PCDH15: variants seen among roughly 807,000 people sequenced by gnomAD.
The protein encoded by PCDH15 is protocadherin-15.
A neutral mutation model predicts 178.5 loss-of-function variants in PCDH15; 129 were observed. The ratio of observed to expected loss-of-function variants is 0.72; its 90% confidence interval spans 0.63 to 0.84. The LOEUF (loss-of-function observed/expected upper bound fraction) is 0.84. PCDH15 is among the 40% of genes least tolerant of loss of function. The probability of loss-of-function intolerance (pLI) is 0.00; values close to 1 mark genes in which losing one functional copy is unlikely to be tolerated. For missense variants in PCDH15, 2,230 were observed against 2,099.9 expected (o/e 1.06, Z -1.21); for synonymous variants, 800 against 732.0 (o/e 1.09, Z -1.50).
At chr10:55,148,583 T>A (rs1185995983) in intron 2 of PCDH15, among the ~76,000 whole-genome samples, 1 of 151,782 alleles carries the variant, frequency 6.6e-6, no homozygotes. Flanking sequence ...AAGATTAGTA[T>A]TAAAATTTAA....
In PCDH15 at chr10:54,596,803, A is replaced by G. The variant is rs1394795165; in HGVS notation, c.91+67369T>C. Reference sequence around the variant, plus strand: ...AAAAAAAGCAATTATTGCAATCCTAATTTCAGACAAAAAAGATTTTAAACC... The same window carrying G: ...AAAAAAAGCAATTATTGCAATCCTAGTTTCAGACAAAAAAGATTTTAAACC... On this transcript the variant is annotated intron_variant, in intron 2 of 37. Coordinates refer to ENST00000644397, the MANE Select transcript of PCDH15 (RefSeq NM_001384140.1). Among the ~76,000 whole-genome samples, 6 of 152,138 alleles carry G rather than the reference A, an allele frequency of 3.9e-5. No homozygotes were observed. The East Asian group carries it at 5.8e-4, about 15-fold the overall frequency.
intron 2 of PCDH15, among the ~76,000 whole-genome samples, chr10:55,071,653 C>G (rs1481523317): frequency 6.6e-6 from 1 of 152,058 alleles, no homozygotes; most frequent in Non-Finnish European, 1.5e-5. Context: ...TAATGGGAGA[C>G]TTTAACACCC....
At chr10:55,026,424 A>C (rs1388824845) in intron 2 of PCDH15, among the ~76,000 whole-genome samples, 1 of 152,110 alleles carries the variant, frequency 6.6e-6, no homozygotes, top group Admixed American at 6.6e-5. Context: ...ACTAAAATTC[A>C]CTAAGAATTA....
At chr10:54,366,977 T>C (rs758703070) in intron 5 of PCDH15, among the ~76,000 whole-genome samples, 1 of 152,150 alleles carries the variant, frequency 6.6e-6, no homozygotes, top group Non-Finnish European at 1.5e-5. Context: ...CTATAAATTT[T>C]ATCACTCTGA....
chr10:54,873,532 A>G (rs2131797522), intron 3 of PCDH15, among the ~76,000 whole-genome samples: 1 of 137,408 alleles, frequency 7.3e-6, no homozygotes, highest in East Asian at 2.1e-4. Flanking sequence ...ACGTGTATGT[A>G]TAGATATATG....
chr10:55,225,650 TGAGAGAGA>T (rs56234985), intron 1 of PCDH15, among the ~76,000 whole-genome samples: 1 of 148,030 alleles, frequency 6.8e-6, no homozygotes, highest in Non-Finnish European at 1.5e-5. Context: ...TGTGTGTGTG[TGAGAGAGA>T]GAGAGAGAGA....
At chr10:54,274,027 C>T (rs769507263) in intron 8 of PCDH15, among the ~76,000 whole-genome samples, 1 of 151,904 alleles carries the variant, frequency 6.6e-6, no homozygotes, top group African/African-American at 2.4e-5. Flanking sequence ...TAGCAAACTA[C>T]CACAGGAAAA....
chr10:54,729,561 A>G (rs111409817), intron 1 of PCDH15, among the ~76,000 whole-genome samples: 3,899 of 151,810 alleles, frequency 0.026, 110 homozygotes, highest in African/African-American at 0.068. Context: ...GTGGGACCTA[A>G]TTATACCAAA....
At chr10:54,795,289 A>T (rs949518863) in intron 1 of PCDH15, among the ~76,000 whole-genome samples, 5 of 151,976 alleles carry the variant, frequency 3.3e-5, no homozygotes. Context: ...ACCAGTCCTT[A>T]TATTAAGTAA....
At chr10:54,251,160 C>T (rs974020197) in intron 8 of PCDH15, among the ~76,000 whole-genome samples, 2 of 152,250 alleles carry the variant, frequency 1.3e-5, no homozygotes, top group African/African-American at 4.8e-5. Flanking sequence ...TCTTTCAATG[C>T]ACTGCAAGTT....
At chr10:54,918,269 G>A (rs1012051998) in intron 2 of PCDH15, among the ~76,000 whole-genome samples, 4 of 151,954 alleles carry the variant, frequency 2.6e-5, no homozygotes, top group African/African-American at 9.7e-5. Flanking sequence ...AGAAAAATCA[G>A]ATATGACAAG....
At chr10:54,527,694 A>C in intron 3 of PCDH15, 118 bp downstream of exon 3, 2 of 641,556 alleles carry the variant, frequency 3.1e-6, no homozygotes, top group Non-Finnish European at 5.1e-6. Flanking sequence ...GAGGGGAATT[A>C]TCCATGGATT....
intron 3 of PCDH15, among the ~76,000 whole-genome samples, chr10:54,870,549 G>C (rs1210477358): frequency 6.6e-6 from 1 of 152,118 alleles, no homozygotes; most frequent in African/African-American, 2.4e-5. Context: ...ACTTCAGGAG[G>C]CCGAGGTGGG....
rs1299190697 is a variant in PCDH15 at position 53,995,632 on chromosome 10, C to G, written c.2868+17G>C. ...TCTCAGTACAGTTCAGAATATTAAT[C>G]AATGCCTTCTACTTACAGGAGGGTC... On this transcript the variant is annotated intron_variant, in intron 21 of 37. Transcript: ENST00000644397. 6.2e-7 allele frequency: 1 copy of G among 1,613,630 alleles called. No individual in the cohort carries two copies. Among genetic ancestry groups the G allele is most frequent in the East Asian group, 2.2e-5 (1 of 44,876 alleles).
chr10:54,825,700 C>T (rs372521099), intron 3 of PCDH15, among the ~76,000 whole-genome samples: 9 of 151,926 alleles, frequency 5.9e-5, no homozygotes, highest in East Asian at 1.9e-4. Flanking sequence ...TCATGTCCTT[C>T]GCCCATTTTT....
At chr10:55,306,272 AG>A (rs1843422345) in intron 1 of PCDH15, among the ~76,000 whole-genome samples, 2 of 152,248 alleles carry the variant, frequency 1.3e-5, no homozygotes, top group Admixed American at 1.3e-4. Context: ...TAACTCAGCA[AG>A]ATTTTAATTC....
chr10:53,895,929 G>C (rs1446248437), intron 26 of PCDH15, among the ~76,000 whole-genome samples: 2 of 152,122 alleles, frequency 1.3e-5, no homozygotes, highest in Non-Finnish European at 2.9e-5. Context: ...AAAAGTTCTT[G>C]AACTGAGGTA....
intron 2 of PCDH15, among the ~76,000 whole-genome samples, chr10:55,483,815 CAAAAAA>C (rs71014494): frequency 9.0e-6 from 1 of 111,230 alleles, no homozygotes. Flanking sequence ...GACTCCATCT[CAAAAAA>C]AAAAAAAAAA....
chr10:54,586,300 T>G (rs1404567708), intron 2 of PCDH15, among the ~76,000 whole-genome samples: 1 of 152,150 alleles, frequency 6.6e-6, no homozygotes, highest in East Asian at 1.9e-4. Flanking sequence ...TTAAAATAGA[T>G]TCATTGAGTA....
Sources: allele counts gnomAD v4.1 joint callset (sites outside exome capture counted in the v4.1 genomes callset), GRCh38; gene constraint gnomAD v4.1.1; transcripts MANE v1.5; gene names NCBI Gene and HGNC (gene_info 2026-07-23, HGNC 2026-07-21).